CAPN3: variants seen among roughly 807,000 people sequenced by gnomAD.
CAPN3 encodes calpain-3.
CAPN3 carries 88 observed loss-of-function variants against 114.0 expected under a neutral mutation model. That is an observed-to-expected ratio of 0.77 (90% confidence interval 0.65 to 0.92). CAPN3 has a LOEUF of 0.92. Ranked by LOEUF, CAPN3 falls within the 40% of genes least tolerant of loss-of-function variation. The probability of loss-of-function intolerance (pLI) is 0.00; values close to 1 mark genes in which losing one functional copy is unlikely to be tolerated. For synonymous variants in CAPN3, 386 were observed against 382.9 expected (o/e 1.01, Z -0.09); for missense variants, 1,028 against 1,069.0 (o/e 0.96, Z 0.53).
In CAPN3 at chr15:42,411,496, C is replaced by T. The variant is rs114130651; in HGVS notation, c.2439+151C>T. ...AGAACATGGAGGGAGGCTCAGCAGG[C>T]TCCCAGGACACATGCACTTGAGGCC... is the stretch of plus-strand genomic sequence containing the variant. On this transcript the variant is annotated intron_variant, in intron 23 of 23. Coordinates refer to ENST00000397163, the MANE Select transcript of CAPN3 (RefSeq NM_000070.3). The T allele has an allele frequency of 1.7e-3, 1,416 of 835,010 alleles. 15 individuals carry two copies. The highest frequency in any genetic ancestry group is 0.015 in the African/African-American group (888 of 60,014). The allele number at this position is 835,010 out of a possible 1,614,324, so 51.7% of individuals were successfully genotyped here. A position where few individuals can be genotyped will look rare whatever the true frequency, so the allele number is the denominator to read the frequency against.
intron 1 of CAPN3, among the ~76,000 whole-genome samples, chr15:42,365,405 A>G (rs1293150034): frequency 6.6e-6 from 1 of 152,050 alleles, no homozygotes; most frequent in African/African-American, 2.4e-5. Context: ...ACTGTCCTCC[A>G]AGCTCCTTGG....
In CAPN3 at chr15:42,409,985, C is replaced by T. The variant is rs886042557; in HGVS notation, c.2105C>T (p.Ala702Val). The change falls in exon 19 of 24, where the codon GCG becomes GTG. Residue 702 changes from alanine (A) to valine (V), a missense_variant. By Grantham distance (64) the Ala-to-Val change is moderately conservative. Coordinates refer to ENST00000397163, the MANE Select transcript of CAPN3 (RefSeq NM_000070.3). ...CTGGAGTCCTGCCGTAGCATGATTG[C>T]GCTCATGGATGTATCCTTCCTGCCG... ...FTLESCRSMI[A>V]LMDTDGSGKL... is the part of the protein sequence containing the mutation. 9 of 1,611,836 alleles carry T rather than the reference C, an allele frequency of 5.6e-6. No homozygotes were observed. Among genetic ancestry groups the T allele is most frequent in the Middle Eastern group, 2.2e-4 (1 of 4,526 alleles).
intron 19 of CAPN3, 60 bp from the exon 20 acceptor site, chr15:42,410,368 T>C: frequency 4.0e-6 from 6 of 1,510,784 alleles, no homozygotes; most frequent in Non-Finnish European, 5.5e-6. Context: ...TCCTAGACCC[T>C]CCCTCCAAAT....
At chr15:42,368,833 C>T (rs1196829545) in intron 1 of CAPN3, among the ~76,000 whole-genome samples, 1 of 152,200 alleles carries the variant, frequency 6.6e-6, no homozygotes, top group African/African-American at 2.4e-5. Flanking sequence ...GGGTGGATCA[C>T]TTGAGCCCAG....
At chr15:42,410,022 C>A in intron 19 of CAPN3, 27 bp downstream of exon 19, 1 of 1,607,922 alleles carries the variant, frequency 6.2e-7, no homozygotes, top group Non-Finnish European at 8.5e-7. Flanking sequence ...CCCTTCCCGA[C>A]CCTCTGTCAT....
intron 6 of CAPN3, among the ~76,000 whole-genome samples, chr15:42,390,396 T>C (rs1427625357): frequency 2.0e-5 from 3 of 152,196 alleles, no homozygotes; most frequent in Admixed American, 2.0e-4. Context: ...TTTGAAATAT[T>C]TTTCCTCTTC....
intron 1 of CAPN3, among the ~76,000 whole-genome samples, chr15:42,374,794 CTTTTTTTT>C (rs66487749): frequency 1.2e-5 from 1 of 85,398 alleles, no homozygotes; most frequent in Non-Finnish European, 2.1e-5. Flanking sequence ...TATCATGTCT[CTTTTTTTT>C]TTTTTTTTTT....
chr15:42,401,577 T>C (rs1340141423), intron 10 of CAPN3, 64 bp from the exon 11 acceptor site: 9 of 1,433,614 alleles, frequency 6.3e-6, no homozygotes, highest in Non-Finnish European at 8.6e-6. Flanking sequence ...GCTCCCTCTG[T>C]CTCATCCCCT....
At chr15:42,385,445 C>G (rs1225677248) in intron 2 of CAPN3, among the ~76,000 whole-genome samples, 1 of 151,978 alleles carries the variant, frequency 6.6e-6, no homozygotes, top group Non-Finnish European at 1.5e-5. Context: ...CCTGCACACT[C>G]TCAGTTGCAT....
chr15:42,411,461 G>A, intron 23 of CAPN3, 116 bp downstream of exon 23: 1 of 1,008,128 alleles, frequency 9.9e-7, no homozygotes, highest in East Asian at 2.4e-5. Flanking sequence ...TGGAGGGAAG[G>A]GATAGGAACA....
In CAPN3 at chr15:42,399,537, C is replaced by T; in HGVS notation, c.1239C>T (p.Ile413=). 6.2e-7 allele frequency: 1 copy of T among 1,613,880 alleles called. No homozygotes were observed. The highest frequency in any genetic ancestry group is 8.5e-7 in the Non-Finnish European group (1 of 1,179,778). ...TCTACCATTTCACAAAGTTGGAGAT[C>T]TGCAACCTCACGGCCGATGCTCTGC... is the stretch of plus-strand genomic sequence containing the variant. ...DFIYHFTKLE[I]CNLTADALQS... is the part of the protein sequence containing the mutation. The change falls in exon 10 of 24, where the codon ATC becomes ATT. Residue 413 remains isoleucine (I), a synonymous_variant. Coordinates refer to ENST00000397163, the MANE Select transcript of CAPN3 (RefSeq NM_000070.3).
intron 9 of CAPN3, among the ~76,000 whole-genome samples, chr15:42,397,307 C>T (rs2053723034): frequency 6.6e-6 from 1 of 152,308 alleles, no homozygotes; most frequent in African/African-American, 2.4e-5. Context: ...CCTAAGTTCC[C>T]CGAGGACTGG....
chr15:42,394,704 C>T (rs1331299959), intron 8 of CAPN3, among the ~76,000 whole-genome samples: 1 of 152,128 alleles, frequency 6.6e-6, no homozygotes, highest in African/African-American at 2.4e-5. Flanking sequence ...GTATTATTAG[C>T]ACTTACCTTG....
chr15:42,376,345 T>A (rs2053088576), intron 1 of CAPN3, among the ~76,000 whole-genome samples: 1 of 152,232 alleles, frequency 6.6e-6, no homozygotes. Flanking sequence ...TGGGAATCAT[T>A]CTGCATGGGA....
intron 6 of CAPN3, 74 bp downstream of exon 6, chr15:42,390,170 C>A: frequency 6.5e-7 from 1 of 1,550,148 alleles, no homozygotes; most frequent in Non-Finnish European, 8.9e-7. Context: ...GTGTCAGACT[C>A]CCCTCAGCAG....
intron 6 of CAPN3, among the ~76,000 whole-genome samples, chr15:42,391,987 A>G (rs1364973973): frequency 6.6e-6 from 1 of 151,884 alleles, no homozygotes; most frequent in Non-Finnish European, 1.5e-5. Flanking sequence ...AACATGGTGA[A>G]ACCCCGTTTC....
intron 1 of CAPN3, among the ~76,000 whole-genome samples, chr15:42,361,673 C>T (rs1467183617): frequency 1.3e-5 from 2 of 152,146 alleles, no homozygotes; most frequent in African/African-American, 4.8e-5. Context: ...ATCCCTCTCT[C>T]GGCCCCCACT....
rs761652191 is a variant in CAPN3, at chr15:42,360,150, C to T, written c.309+36C>T. 11 of 1,613,390 alleles carry T rather than the reference C, an allele frequency of 6.8e-6. No homozygotes were observed. The East Asian group carries it at 2.2e-4, about 33-fold the overall frequency. Reference sequence around the variant, plus strand: ...TCCTGCTTGCTGGCTGGGTTTTCCCCCCACGGAGGAGTCCTCTCACTCAGC... The same window carrying T: ...TCCTGCTTGCTGGCTGGGTTTTCCCTCCACGGAGGAGTCCTCTCACTCAGC... On this transcript the variant is annotated intron_variant, in intron 1 of 23. Transcript: ENST00000397163.
intron 1 of CAPN3, among the ~76,000 whole-genome samples, chr15:42,380,021 T>C (rs138674915): frequency 6.3e-4 from 96 of 152,276 alleles, no homozygotes; most frequent in Admixed American, 1.6e-3. Context: ...GATGCTGAGA[T>C]GGGAGAATTG....
Sources: allele counts gnomAD v4.1 joint callset (sites outside exome capture counted in the v4.1 genomes callset), GRCh38; gene constraint gnomAD v4.1.1; transcripts MANE v1.5; gene names NCBI Gene and HGNC (gene_info 2026-07-23, HGNC 2026-07-21).